PTPRK: variants seen among roughly 807,000 people sequenced by gnomAD.
PTPRK encodes the protein receptor-type tyrosine-protein phosphatase kappa.
Under a neutral mutation model 178.0 loss-of-function variants are expected in PTPRK, and 75 were observed. The observed-to-expected ratio is 0.42, with a 90% CI of 0.35 to 0.51. The LOEUF (loss-of-function observed/expected upper bound fraction) is 0.51. PTPRK is among the 20% of genes least tolerant of loss of function. The pLI, the probability that PTPRK is intolerant of heterozygous loss-of-function variation, is 0.02. For synonymous variants in PTPRK, 637 were observed against 620.6 expected, an observed-to-expected ratio of 1.03 and a Z score of -0.39; for missense variants, 1,441 against 1,797.8, an observed-to-expected ratio of 0.80 and a Z score of 3.59.
At chr6:128,343,947 C>A (rs1238585461) in intron 2 of PTPRK, among the ~76,000 whole-genome samples, 2 of 152,168 alleles carry the variant, frequency 1.3e-5, no homozygotes, top group Non-Finnish European at 2.9e-5. Context: ...CAAATCCTGG[C>A]ATCAGAACTT....
chr6:128,407,386 C>T lies in PTPRK; in HGVS notation c.101-9698G>A, dbSNP rs142649082. ...GCACAGTGGCTCATACCAGTAATCC[C>T]AGCACTTTGGGAAGACAGAGGGGTT... On this transcript the variant is annotated intron_variant, in intron 1 of 29. Coordinates refer to ENST00000368226, the MANE Select transcript of PTPRK (RefSeq NM_002844.4). 2.0e-3 allele frequency among the ~76,000 whole-genome samples: 300 copies of T among 152,016 alleles called. 1 individual carries two copies. Among genetic ancestry groups the T allele is most frequent in the African/African-American group, 7.0e-3 (292 of 41,462 alleles).
chr6:128,235,578 A>G (rs758605117), intron 5 of PTPRK: 2 of 510,994 alleles, frequency 3.9e-6, no homozygotes, highest in African/African-American at 3.9e-5. Context: ...AGTTGCAGTT[A>G]CCTTCTGTCA....
intron 1 of PTPRK, among the ~76,000 whole-genome samples, chr6:128,419,503 T>C (rs915739843): frequency 6.6e-6 from 1 of 151,262 alleles, no homozygotes; most frequent in African/African-American, 2.4e-5. Context: ...TAGTCCCAGC[T>C]GAGGCTGAGG....
intron 13 of PTPRK, among the ~76,000 whole-genome samples, chr6:128,014,732 T>A (rs1194417034): frequency 6.6e-6 from 1 of 151,668 alleles, no homozygotes; most frequent in African/African-American, 2.4e-5. Context: ...GTAAAGCACA[T>A]GTTATTTATT....
rs750545789 is a variant in PTPRK at position 127,995,224 on chromosome 6, G to A, written c.2844+238C>T. The stretch of plus-strand genomic sequence containing the variant: ...ATGTTTGTATTTATAATAGGGTGCT[G>A]TTATTTACATATAGTGGTACTTACA... On this transcript the variant is annotated intron_variant, in intron 18 of 29. Coordinates refer to ENST00000368226, the MANE Select transcript of PTPRK (RefSeq NM_002844.4). 31 of 1,580,782 alleles carry A rather than the reference G, an allele frequency of 2.0e-5. 1 individual carries two copies. In the South Asian group the frequency reaches 3.3e-4, roughly 17 times the overall value.
At chr6:128,199,616 G>T (rs13192085) in intron 6 of PTPRK, among the ~76,000 whole-genome samples, 1 of 151,978 alleles carries the variant, frequency 6.6e-6, no homozygotes, top group Admixed American at 6.6e-5. Context: ...GGTAGGGAAA[G>T]GGAGGAAACA....
chr6:128,344,514 C>T (rs777459019), intron 2 of PTPRK, among the ~76,000 whole-genome samples: 5 of 151,934 alleles, frequency 3.3e-5, no homozygotes, highest in Non-Finnish European at 7.4e-5. Context: ...TTATCCACCC[C>T]CTCCAATCAC....
chr6:128,504,719 G>A (rs1856073040), intron 1 of PTPRK, among the ~76,000 whole-genome samples: 1 of 152,078 alleles, frequency 6.6e-6, no homozygotes, highest in African/African-American at 2.4e-5. Flanking sequence ...GGGTTTGTCC[G>A]ATACCCTAGT....
At chr6:128,492,870 G>C (rs1012006879) in intron 1 of PTPRK, among the ~76,000 whole-genome samples, 3 of 152,068 alleles carry the variant, frequency 2.0e-5, no homozygotes, top group African/African-American at 7.2e-5. Flanking sequence ...TCCAAGCCTA[G>C]ACCTGCTTTC....
intron 3 of PTPRK, among the ~76,000 whole-genome samples, chr6:128,313,849 A>T (rs1827603650): frequency 6.6e-6 from 1 of 152,166 alleles, no homozygotes; most frequent in African/African-American, 2.4e-5. Context: ...ACTAAAGAAA[A>T]ATATAAATGG....
chr6:127,997,149 T>C (rs1222873362), intron 16 of PTPRK, among the ~76,000 whole-genome samples, 161 bp from the exon 17 acceptor site: 5 of 152,106 alleles, frequency 3.3e-5, no homozygotes, highest in Non-Finnish European at 7.4e-5. Flanking sequence ...GCCGCTTTGT[T>C]GGATTCATAC....
chr6:128,518,667 C>A (rs553259894), intron 1 of PTPRK, among the ~76,000 whole-genome samples: 1 of 152,296 alleles, frequency 6.6e-6, no homozygotes, highest in African/African-American at 2.4e-5. Context: ...TGCTAACGGG[C>A]ATTATATGTC....
At chr6:128,391,234 A>C (rs754275927) in intron 2 of PTPRK, among the ~76,000 whole-genome samples, 7 of 152,114 alleles carry the variant, frequency 4.6e-5, no homozygotes, top group Non-Finnish European at 1.0e-4. Context: ...TCTAACACCT[A>C]TATCCAGTAC....
intron 7 of PTPRK, among the ~76,000 whole-genome samples, chr6:128,160,873 A>G (rs1017117235): frequency 2.0e-5 from 3 of 151,656 alleles, no homozygotes; most frequent in Non-Finnish European, 4.4e-5. Context: ...CTGAATATAA[A>G]ATAGGATCCT....
At chr6:128,314,630 C>T (rs1313443360) in intron 3 of PTPRK, among the ~76,000 whole-genome samples, 1 of 151,992 alleles carries the variant, frequency 6.6e-6, no homozygotes, top group Non-Finnish European at 1.5e-5. Flanking sequence ...TTTTGTGAAC[C>T]TAATAAATCA....
chr6:128,061,159 T>C (rs1780733423), intron 13 of PTPRK, among the ~76,000 whole-genome samples: 1 of 152,186 alleles, frequency 6.6e-6, no homozygotes, highest in Non-Finnish European at 1.5e-5. Flanking sequence ...AATATGATAC[T>C]AACATGTAAC....
chr6:128,189,850 G>T (rs1803454160), intron 6 of PTPRK, among the ~76,000 whole-genome samples: 1 of 152,052 alleles, frequency 6.6e-6, no homozygotes, highest in African/African-American at 2.4e-5. Flanking sequence ...GCAAGTAAAT[G>T]GACATGAGGG....
At chr6:128,212,014 G>C (rs1200843482) in intron 6 of PTPRK, among the ~76,000 whole-genome samples, 3 of 151,850 alleles carry the variant, frequency 2.0e-5, no homozygotes, top group African/African-American at 7.3e-5. Context: ...ACTTTTTAAA[G>C]CCAAATTAGT....
At chr6:128,008,509 T>C (rs1198001782) in intron 14 of PTPRK, among the ~76,000 whole-genome samples, 2 of 151,056 alleles carry the variant, frequency 1.3e-5, no homozygotes, top group African/African-American at 2.4e-5. Flanking sequence ...ATCAGGAATA[T>C]ACTTTGGTCT....
Sources: allele counts gnomAD v4.1 joint callset (sites outside exome capture counted in the v4.1 genomes callset), GRCh38; gene constraint gnomAD v4.1.1; transcripts MANE v1.5; gene names NCBI Gene and HGNC (gene_info 2026-07-23, HGNC 2026-07-21).